TBCD: variants seen among roughly 807,000 people sequenced by gnomAD.
The protein encoded by TBCD is tubulin-specific chaperone D.
A neutral mutation model predicts 169.3 loss-of-function variants in TBCD; 105 were observed. The ratio of observed to expected loss-of-function variants is 0.62; its 90% CI spans 0.53 to 0.73. The LOEUF (loss-of-function observed/expected upper bound fraction) is 0.73. Among genes scored for constraint, TBCD ranks in the 30% least tolerant of loss-of-function variants. TBCD has a pLI of 0.00. For synonymous variants in TBCD, 700 were observed against 643.9 expected (o/e 1.09, Z -1.32); for missense variants, 1,444 against 1,600.1 (o/e 0.90, Z 1.66).
At position 82,884,801 on chromosome 17, in the gene TBCD, T is replaced by G. The variant is rs1476960943; in HGVS notation, c.1533+599T>G. The stretch of plus-strand genomic sequence containing the variant: ...TGCTGCGCTGAGCAGACTACTTCAT[T>G]TGGCTCAGAGCTGGGCTGGAGTGAG... On this transcript the variant is annotated intron_variant, in intron 15 of 38. Transcript: ENST00000355528. This position sits in a 1 kb window ranked among gnomAD's most constrained non-coding sequence, Gnocchi z 4.2. 3.8e-5 allele frequency: 6 copies of G among 158,406 alleles called. No individual in the cohort carries two copies. The highest frequency in any genetic ancestry group is 1.2e-4 in the African/African-American group (5 of 41,586). The allele number at this position is 158,406 out of a possible 1,614,324, so 9.8% of individuals were successfully genotyped here. A position where few individuals can be genotyped will look rare whatever the true frequency, so the allele number is the denominator to read the frequency against.
intron 14 of TBCD, among the ~76,000 whole-genome samples, chr17:82,876,655 G>C (rs1366320840): frequency 1.3e-5 from 2 of 152,188 alleles, no homozygotes; most frequent in East Asian, 3.8e-4. Flanking sequence ...ATATATAGTT[G>C]ATTGGTCGAA....
chr17:82,837,440 T>C (rs1485443702), intron 13 of TBCD, among the ~76,000 whole-genome samples: 1 of 152,234 alleles, frequency 6.6e-6, no homozygotes, highest in East Asian at 1.9e-4. Context: ...GATTTGTATT[T>C]AGAGGTGCAG....
At position 82,789,270 on chromosome 17, in the gene TBCD, C is replaced by T. The variant is rs944905131; in HGVS notation, c.771+7549C>T. Among the ~76,000 whole-genome samples the T allele has an allele frequency of 1.3e-5, 2 of 152,176 alleles. No individual in the cohort carries two copies. Among genetic ancestry groups the T allele is most frequent in the African/African-American group, 4.8e-5 (2 of 41,440 alleles). ...CCATCACTCAGCATTTTATGTGGGG[C>T]GGGCACAGTGCCGTGAGTCTTACAG... On this transcript the variant is annotated intron_variant, in intron 7 of 38. Coordinates refer to ENST00000355528, the MANE Select transcript of TBCD (RefSeq NM_005993.5). The surrounding 1 kb of genome is among the most constrained non-coding windows in gnomAD (Gnocchi z 4.8).
chr17:82,772,582 T>C (rs2048362295), intron 6 of TBCD, 75 bp downstream of exon 6: 1 of 1,495,220 alleles, frequency 6.7e-7, no homozygotes. Flanking sequence ...ACGTGTTTCA[T>C]GTGCGTCTTC....
Position 82,922,353 on chromosome 17 carries a change from C to A in TBCD, c.2178+776C>A, listed in dbSNP as rs1162187629. Among the ~76,000 whole-genome samples the A allele has an allele frequency of 6.6e-6, 1 of 151,416 alleles. No individual in the cohort carries two copies. On this transcript the variant is annotated intron_variant, in intron 25 of 38. Transcript: ENST00000355528. This position sits in a 1 kb window ranked among gnomAD's most constrained non-coding sequence, Gnocchi z 4.1. Reference sequence around the variant, plus strand: ...TCCAGCCTGGGTGACAAGAGCAAGACCCTGCCTCAAAAACAAAAACAAAAA... The same window carrying A: ...TCCAGCCTGGGTGACAAGAGCAAGAACCTGCCTCAAAAACAAAAACAAAAA...
At chr17:82,829,276 G>A (rs1281687579) in intron 13 of TBCD, among the ~76,000 whole-genome samples, 1 of 145,256 alleles carries the variant, frequency 6.9e-6, no homozygotes, top group Non-Finnish European at 1.5e-5. Context: ...CGCACTCGCA[G>A]ACATGCACAC....
rs1253225437 is a variant in TBCD at position 82,930,485 on chromosome 17, G to C, written c.2992-37G>C. 1.9e-6 allele frequency: 3 copies of C among 1,604,632 alleles called. No homozygotes were observed. The African/African-American group carries it at 4.0e-5, about 21-fold the overall frequency. On this transcript the variant is annotated intron_variant, in intron 32 of 38. Transcript: ENST00000355528. The surrounding 1 kb of genome is among the most constrained non-coding windows in gnomAD (Gnocchi z 5.2). ...CAAGCCTGAGGGGTGGCAGGCTCGGGGGTCCCACTGCCTTCTGAGGTGTCT... is the reference window on the plus strand; with the variant it reads ...CAAGCCTGAGGGGTGGCAGGCTCGGCGGTCCCACTGCCTTCTGAGGTGTCT...
intron 22 of TBCD, among the ~76,000 whole-genome samples, chr17:82,910,818 G>A (rs148269573): frequency 0.022 from 3,376 of 152,244 alleles, 149 homozygotes; most frequent in African/African-American, 0.077. Flanking sequence ...CGCCCGCCTC[G>A]GCCTTCCACA....
At chr17:82,801,075 AG>A in intron 9 of TBCD, 79 bp downstream of exon 9, 1 of 868,946 alleles carries the variant, frequency 1.2e-6, no homozygotes, top group Non-Finnish European at 1.4e-6. Flanking sequence ...GCCATTGATG[AG>A]GGCGGGGCAG....
rs1031647203 is a variant in TBCD, at chr17:82,832,508, C to T, written c.1318+17574C>T. ...GTCCAGGTGGCGTGATCACTGTCGACGCCGCGTGCACTTCGTGGTTTCTAA... is the reference window on the plus strand; with the variant it reads ...GTCCAGGTGGCGTGATCACTGTCGATGCCGCGTGCACTTCGTGGTTTCTAA... On this transcript the variant is annotated intron_variant, in intron 13 of 38. Transcript: ENST00000355528. The surrounding 1 kb of genome is among the most constrained non-coding windows in gnomAD (Gnocchi z 4.9). 47 of 1,525,116 alleles carry T rather than the reference C, an allele frequency of 3.1e-5. No homozygotes were observed. The highest frequency in any genetic ancestry group is 1.6e-4 in the African/African-American group (12 of 73,376). 94.5% of individuals were successfully genotyped at this position (1,525,116 alleles called of 1,614,324 possible).
chr17:82,807,535 T>C (rs2051062441), intron 10 of TBCD, 73 bp from the exon 11 acceptor site: 1 of 1,222,788 alleles, frequency 8.2e-7, no homozygotes, highest in Non-Finnish European at 1.1e-6. Context: ...GCGTACAGGA[T>C]GGGTCACCTT....
Position 82,889,620 on chromosome 17 carries a change from G to A in TBCD, c.1534-48G>A. The A allele has an allele frequency of 6.2e-7, 1 of 1,613,198 alleles. No individual in the cohort carries two copies. Among genetic ancestry groups the A allele is most frequent in the Non-Finnish European group, 8.5e-7 (1 of 1,179,502 alleles). On this transcript the variant is annotated intron_variant, in intron 15 of 38. Coordinates refer to ENST00000355528, the MANE Select transcript of TBCD (RefSeq NM_005993.5). This position sits in a 1 kb window ranked among gnomAD's most constrained non-coding sequence, Gnocchi z 5.3. ...TGTTCTGAACTTGCCTCTGGTGTTG[G>A]CGGAAGCTGACCTCGCTCACCTGCT...
chr17:82,790,854 G>A (rs181692494), intron 7 of TBCD, among the ~76,000 whole-genome samples: 1 of 152,062 alleles, frequency 6.6e-6, no homozygotes, highest in African/African-American at 2.4e-5. Context: ...CACCTGCACT[G>A]CAGAGAAGCT....
At chr17:82,754,025 C>T (rs1336506475) in intron 1 of TBCD, among the ~76,000 whole-genome samples, 1 of 151,814 alleles carries the variant, frequency 6.6e-6, no homozygotes, top group African/African-American at 2.4e-5. Flanking sequence ...TACAGGTGCG[C>T]GCCACCACGC....
At chr17:82,867,561 G>A (rs888494126) in intron 13 of TBCD, among the ~76,000 whole-genome samples, 1 of 152,214 alleles carries the variant, frequency 6.6e-6, no homozygotes, top group African/African-American at 2.4e-5. Context: ...GAAAGTGAAC[G>A]TGAGCAGTGC....
chr17:82,752,225 G>GC lies in TBCD; in HGVS notation c.36dup (p.Glu13ArgfsTer67). 1.3e-6 allele frequency: 2 copies of GC among 1,525,658 alleles called. No individual in the cohort carries two copies. The highest frequency in any genetic ancestry group is 4.0e-5 in the Admixed American group (2 of 49,402). 94.5% of individuals were successfully genotyped at this position (1,525,658 alleles called of 1,614,324 possible). ...CTGAGCGACGAACCGGCCGCGGGCG[G>GC]CCCCGAGGAGGAGGCGGAGGACGAG... On this transcript the variant is annotated frameshift_variant, in exon 1 of 39. Transcript: ENST00000355528. LOFTEE classifies it high-confidence loss of function.
In TBCD at chr17:82,831,766, G is replaced by T. The variant is rs749794050; in HGVS notation, c.1318+16832G>T. 2 of 1,614,042 alleles carry T rather than the reference G, an allele frequency of 1.2e-6. No homozygotes were observed. The highest frequency in any genetic ancestry group is 1.7e-6 in the Non-Finnish European group (2 of 1,180,032). Reference sequence around the variant, plus strand: ...TGTGGGGTGCATGTAAGGGGAAATGGCCCCAAGCCCCTTTGTAGATGAGAT... The same window carrying T: ...TGTGGGGTGCATGTAAGGGGAAATGTCCCCAAGCCCCTTTGTAGATGAGAT... On this transcript the variant is annotated intron_variant, in intron 13 of 38. Transcript: ENST00000355528. This position sits in a 1 kb window ranked among gnomAD's most constrained non-coding sequence, Gnocchi z 4.6.
At chr17:82,942,134 C>A in intron 38 of TBCD, 1 of 508,700 alleles carries the variant, frequency 2.0e-6, no homozygotes, top group Non-Finnish European at 3.5e-6. Context: ...CTGAACTCAA[C>A]AGCAGACTTT....
intron 13 of TBCD, among the ~76,000 whole-genome samples, chr17:82,846,225 G>A (rs1401377085): frequency 1.3e-5 from 2 of 148,976 alleles, no homozygotes; most frequent in African/African-American, 4.9e-5. Context: ...ACGTCCCCTC[G>A]TCCAGCCCTC....
Sources: gnomAD v4.1 joint callset for allele counts (sites outside exome capture counted in the v4.1 genomes callset) on GRCh38, gnomAD v4.1.1 for gene constraint, Gnocchi (gnomAD v3.1) non-coding constraint, MANE v1.5 for transcripts, NCBI Gene and HGNC (gene_info 2026-07-23, HGNC 2026-07-21) for gene names.